FSTL4: variants seen among roughly 807,000 people sequenced by gnomAD.
The protein encoded by FSTL4 is follistatin like 4, also known as follistatin-related protein 4.
FSTL4 carries 28 observed loss-of-function variants against 78.2 expected under a neutral mutation model. That is an observed-to-expected ratio of 0.36 (90% CI 0.27 to 0.49). FSTL4 has a LOEUF of 0.49. FSTL4 is among the 20% of genes least tolerant of loss of function. The pLI is 0.98. For synonymous variants in FSTL4, 422 were observed against 440.5 expected (o/e 0.96, Z 0.53); for missense variants, 922 against 1,084.9 (o/e 0.85, Z 2.11).
At chr5:133,791,285 C>T in the FSTL4 span, among the ~76,000 whole-genome samples, 10 of 150,658 alleles carry the variant, frequency 6.6e-5, no homozygotes, top group African/African-American at 1.7e-4. Context: ...CGTGCACACA[C>T]ACACACACAC....
rs114892946 is a variant in FSTL4, at chr5:133,349,753, A to T, written c.410-33101T>A. 3.6e-3 allele frequency among the ~76,000 whole-genome samples: 460 copies of T among 126,436 alleles called. 15 individuals carry two copies. The highest frequency in any genetic ancestry group is 0.014 in the African/African-American group (429 of 30,558). 82.9% of individuals were successfully genotyped at this position (126,436 alleles called of 152,430 possible). ...CTGCCATGCGACTGTAAAGGACCCA[A>T]AGGATGGACTTTGTCATGCTGCCAT... On this transcript the variant is annotated intron_variant, in intron 4 of 15. Transcript: ENST00000265342.
intron 6 of FSTL4, among the ~76,000 whole-genome samples, chr5:133,286,261 A>G (rs1753126537): frequency 2.0e-5 from 3 of 152,174 alleles, no homozygotes; most frequent in Non-Finnish European, 4.4e-5. Flanking sequence ...TGCCTCATAG[A>G]CTTTTAGTGA....
intron 11 of FSTL4, among the ~76,000 whole-genome samples, chr5:133,223,279 T>C (rs1490607269): frequency 6.6e-6 from 1 of 152,242 alleles, no homozygotes; most frequent in Non-Finnish European, 1.5e-5. Context: ...CCCAGACTTA[T>C]CATGTCAGCT....
intron 4 of FSTL4, among the ~76,000 whole-genome samples, chr5:133,357,222 C>A (rs1754961195): frequency 6.6e-6 from 1 of 152,160 alleles, no homozygotes; most frequent in Non-Finnish European, 1.5e-5. Context: ...AACTCTGATC[C>A]TTTGGCAGAG....
chr5:133,367,494 T>C (rs774142958), intron 4 of FSTL4, among the ~76,000 whole-genome samples: 1 of 152,242 alleles, frequency 6.6e-6, no homozygotes, highest in Non-Finnish European at 1.5e-5. Context: ...GCGTTTTTAA[T>C]TCCTTTCCAA....
the FSTL4 span, among the ~76,000 whole-genome samples, chr5:133,749,157 T>A: frequency 2.0e-5 from 3 of 152,114 alleles, no homozygotes; most frequent in Admixed American, 1.3e-4. Flanking sequence ...GGGCTTTGAA[T>A]CCCTTAAGGA....
intron 3 of FSTL4, among the ~76,000 whole-genome samples, chr5:133,503,209 C>T (rs1758537864): frequency 6.6e-6 from 1 of 152,076 alleles, no homozygotes; most frequent in Non-Finnish European, 1.5e-5. Context: ...AGGGAAAGAA[C>T]CCACAAAGTT....
In FSTL4 at chr5:133,225,570, C is replaced by A. The variant is rs1751301541; in HGVS notation, c.1177+88G>T. 7.9e-7 allele frequency: 1 copy of A among 1,272,036 alleles called. No homozygotes were observed. 78.8% of individuals were successfully genotyped at this position (1,272,036 alleles called of 1,614,324 possible). ...ACTCCTAACCTGTCTGACTTATAAA[C>A]AAATTATACCTCTCGTTTCCATTCC... On this transcript the variant is annotated intron_variant, in intron 9 of 15. Transcript: ENST00000265342. The surrounding 1 kb of genome is among the most constrained non-coding windows in gnomAD (Gnocchi z 4.6).
chr5:133,228,090 G>T (rs991181386), intron 8 of FSTL4, among the ~76,000 whole-genome samples: 1 of 152,116 alleles, frequency 6.6e-6, no homozygotes, highest in Non-Finnish European at 1.5e-5. Flanking sequence ...AGCCGGGTGT[G>T]GTGGCACACA....
At chr5:133,661,727 A>G in the FSTL4 span, among the ~76,000 whole-genome samples, 81 of 152,332 alleles carry the variant, frequency 5.3e-4, no homozygotes, top group African/African-American at 1.9e-3. Flanking sequence ...TCTCATAATC[A>G]TTTCTTAGAA....
rs1349286704 is a variant in FSTL4 at position 133,225,538 on chromosome 5, T to C, written c.1177+120A>G. The C allele has an allele frequency of 1.1e-5, 11 of 986,782 alleles. No homozygotes were observed. In the East Asian group the frequency reaches 2.6e-4, roughly 24 times the overall value. The allele number at this position is 986,782 out of a possible 1,614,324, so 61.1% of individuals were successfully genotyped here. ...AGATAACAGGGAAATTTGGGAGCCA[T>C]CTGTTCACTCCTAACCTGTCTGACT... On this transcript the variant is annotated intron_variant, in intron 9 of 15. Transcript: ENST00000265342. This position sits in a 1 kb window ranked among gnomAD's most constrained non-coding sequence, Gnocchi z 4.6.
At chr5:133,313,585 C>T (rs532680979) in intron 5 of FSTL4, among the ~76,000 whole-genome samples, 2 of 151,908 alleles carry the variant, frequency 1.3e-5, no homozygotes, top group South Asian at 4.2e-4. Flanking sequence ...GGAAAATGCT[C>T]AGAAGGAAAT....
chr5:133,540,881 C>T (rs749032803), intron 3 of FSTL4, among the ~76,000 whole-genome samples: 1 of 152,116 alleles, frequency 6.6e-6, no homozygotes, highest in Admixed American at 6.5e-5. Flanking sequence ...TATTAAACCA[C>T]CCACTACCCC....
rs1054408455 is a variant in FSTL4 at position 133,611,189 on chromosome 5, C to G, written c.-11+1136G>C. Reference sequence around the variant, plus strand: ...GGCTGCTGGACAGCGCCCCGGCACCCGCTCTCGAGCCGCGACACCGACCTC... The same window carrying G: ...GGCTGCTGGACAGCGCCCCGGCACCGGCTCTCGAGCCGCGACACCGACCTC... On this transcript the variant is annotated intron_variant, in intron 1 of 15. Coordinates refer to ENST00000265342, the MANE Select transcript of FSTL4 (RefSeq NM_015082.2). This position sits in a 1 kb window ranked among gnomAD's most constrained non-coding sequence, Gnocchi z 4.9. 2.5e-4 allele frequency among the ~76,000 whole-genome samples: 38 copies of G among 152,164 alleles called. No individual in the cohort carries two copies. Among genetic ancestry groups the G allele is most frequent in the African/African-American group, 8.7e-4 (36 of 41,554 alleles).
At chr5:133,237,734 A>AACAATTGATT (rs1751706641) in intron 7 of FSTL4, among the ~76,000 whole-genome samples, 1 of 152,260 alleles carries the variant, frequency 6.6e-6, no homozygotes, top group Admixed American at 6.5e-5. Context: ...CAATTGATTT[A>AACAATTGATT]TAAGAAGCTA....
chr5:133,832,317 C>G, the FSTL4 span, among the ~76,000 whole-genome samples: 4 of 152,194 alleles, frequency 2.6e-5, no homozygotes, highest in Non-Finnish European at 5.9e-5. Context: ...TCCCCTTGTA[C>G]TCAGGAGAAC....
At chr5:133,722,418 T>C in the FSTL4 span, among the ~76,000 whole-genome samples, 1 of 152,220 alleles carries the variant, frequency 6.6e-6, no homozygotes, top group Non-Finnish European at 1.5e-5. Flanking sequence ...ATCAATTGAA[T>C]TCTTCAGCTC....
the FSTL4 span, among the ~76,000 whole-genome samples, chr5:133,674,064 G>A: frequency 1.3e-5 from 2 of 152,162 alleles, no homozygotes; most frequent in African/African-American, 4.8e-5. Flanking sequence ...AGCAACAACA[G>A]AGGCCCCCAC....
intron 4 of FSTL4, among the ~76,000 whole-genome samples, chr5:133,365,692 G>T (rs1230136486): frequency 6.6e-6 from 1 of 152,266 alleles, no homozygotes; most frequent in Non-Finnish European, 1.5e-5. Context: ...GTAGGTTGGA[G>T]AACTCAGCCG....
Sources: gnomAD v4.1 joint callset for allele counts (sites outside exome capture counted in the v4.1 genomes callset) on GRCh38, gnomAD v4.1.1 for gene constraint, Gnocchi (gnomAD v3.1) non-coding constraint, MANE v1.5 for transcripts, NCBI Gene and HGNC (gene_info 2026-07-23, HGNC 2026-07-21) for gene names.